The following SHPRH variants were observed in gnomAD, a reference collection of about 807,000 sequenced individuals.
The protein encoded by SHPRH is SNF2 histone linker PHD RING helicase, also known as E3 ubiquitin-protein ligase SHPRH.
SHPRH carries 106 observed loss-of-function variants against 202.5 expected under a neutral mutation model. The ratio of observed to expected loss-of-function variants is 0.52; its 90% CI spans 0.45 to 0.62. The LOEUF (loss-of-function observed/expected upper bound fraction) is 0.62. SHPRH is among the 20% of genes least tolerant of loss of function. SHPRH has a pLI of 0.00. For synonymous variants in SHPRH, 729 were observed against 686.0 expected (o/e 1.06, Z -0.98); for missense variants, 1,710 against 2,020.0 (o/e 0.85, Z 2.94).
Position 145,935,333 on chromosome 6 carries a change from T to C in SHPRH, c.2678A>G (p.Tyr893Cys). 1.9e-6 allele frequency: 3 copies of C among 1,614,056 alleles called. No individual in the cohort carries two copies. Among genetic ancestry groups the C allele is most frequent in the Non-Finnish European group, 2.5e-6 (3 of 1,179,996 alleles). ...CCACAGTATCTTGGCAATAAAGCTGTAGAGATGCTGAGGATTCTTCTTGCA... is the reference window on the plus strand; with the variant it reads ...CCACAGTATCTTGGCAATAAAGCTGCAGAGATGCTGAGGATTCTTCTTGCA... The part of the protein sequence containing the change: ...PYCKKNPQHL[Y>C]SFIAKILWRS... Residue 893 changes from tyrosine (Y) to cysteine (C), a missense_variant, in exon 12 of 30, where the codon TAC (tyrosine) becomes TGC (cysteine). Tyr to Cys is a radical substitution (Grantham distance 194). Around this residue, in one of 8 missense-constraint regions of SHPRH, gnomAD observed 277 missense variants for 363.0 expected, o/e 0.76. Coordinates refer to ENST00000275233, the MANE Select transcript of SHPRH (RefSeq NM_001042683.3).
intron 28 of SHPRH, among the ~76,000 whole-genome samples, chr6:145,890,069 C>G (rs184275406): frequency 1.1e-3 from 160 of 152,262 alleles, no homozygotes; most frequent in African/African-American, 3.5e-3. Context: ...CTTACTAATT[C>G]TCCCATTTGA....
intron 11 of SHPRH, among the ~76,000 whole-genome samples, chr6:145,940,317 T>C (rs949118550): frequency 1.3e-5 from 2 of 152,142 alleles, no homozygotes; most frequent in African/African-American, 4.8e-5. Context: ...TCCATTTTCA[T>C]AGACACAGTT....
intron 21 of SHPRH, among the ~76,000 whole-genome samples, chr6:145,920,040 T>A (rs1305192767): frequency 6.6e-6 from 1 of 152,126 alleles, no homozygotes; most frequent in South Asian, 2.1e-4. Context: ...ACTTATACTA[T>A]GTGAAACATA....
At chr6:145,927,160 A>G (rs1397798985) in intron 15 of SHPRH, 29 bp downstream of exon 15, 1 of 1,579,540 alleles carries the variant, frequency 6.3e-7, no homozygotes, top group Non-Finnish European at 8.7e-7. Context: ...CAAACAGAAT[A>G]CCTATGAAAC....
intron 2 of SHPRH, among the ~76,000 whole-genome samples, chr6:145,865,344 GT>G (rs1213465894): frequency 1.3e-5 from 2 of 152,176 alleles, no homozygotes; most frequent in African/African-American, 4.8e-5. Context: ...TCTTTCCCAT[GT>G]GAGGACATAG....
intron 14 of SHPRH, among the ~76,000 whole-genome samples, chr6:145,928,744 T>C (rs530179128): frequency 1.3e-5 from 2 of 152,030 alleles, no homozygotes; most frequent in Non-Finnish European, 2.9e-5. Context: ...ATAGCTCTTA[T>C]ACCATTGCTT....
chr6:145,880,050 GA>G (rs1490917442), downstream of SHPRH, among the ~76,000 whole-genome samples: 1 of 151,624 alleles, frequency 6.6e-6, no homozygotes, highest in Non-Finnish European at 1.5e-5. Flanking sequence ...AATATTGCAA[GA>G]CACAAGACTA....
rs1442132608 is a variant in SHPRH at position 145,921,342 on chromosome 6, CCTT to C, written c.3830_3832del (p.Glu1277del). ...GGTAGGTGCTCGATCATCCACCAGT[CCTT>C]CTTCATCTTCTATCATCTCCTCAAA... is the stretch of plus-strand genomic sequence containing the variant. On this transcript the variant is annotated inframe_deletion, in exon 21 of 30. Transcript: ENST00000275233. The C allele has an allele frequency of 2.5e-6, 4 of 1,612,652 alleles. No individual in the cohort carries two copies. The highest frequency in any genetic ancestry group is 1.7e-5 in the Admixed American group (1 of 59,800).
intron 4 of SHPRH, among the ~76,000 whole-genome samples, chr6:145,948,891 A>G (rs2128794505): frequency 6.6e-6 from 1 of 152,154 alleles, no homozygotes; most frequent in African/African-American, 2.4e-5. Context: ...AGAATCTTCC[A>G]CTAGCCTTCT....
chr6:145,919,534 T>C (rs747830290), intron 21 of SHPRH, 43 bp from the exon 22 acceptor site: 1 of 1,587,814 alleles, frequency 6.3e-7, no homozygotes, highest in Non-Finnish European at 8.6e-7. Flanking sequence ...AAGCATGTAA[T>C]TAAAACTGGT....
At chr6:145,918,518 AT>A in intron 22 of SHPRH, 1 of 187,506 alleles carries the variant, frequency 5.3e-6, no homozygotes, top group Non-Finnish European at 1.1e-5. Context: ...ATTATGTACC[AT>A]TTTTTTCAGT....
At chr6:145,916,012 C>G (rs1485053763) in intron 23 of SHPRH, among the ~76,000 whole-genome samples, 1 of 152,086 alleles carries the variant, frequency 6.6e-6, no homozygotes, top group Non-Finnish European at 1.5e-5. Context: ...AACTGTGTCT[C>G]AAATCTCTTT....
At chr6:145,933,620 AAATT>A (rs1300618342) in intron 13 of SHPRH, among the ~76,000 whole-genome samples, 2 of 152,248 alleles carry the variant, frequency 1.3e-5, no homozygotes, top group Admixed American at 6.5e-5. Flanking sequence ...ATTCATATAT[AAATT>A]GTTTTCGGAC....
chr6:145,954,735 T>C lies in SHPRH; in HGVS notation c.588A>G (p.Arg196=), dbSNP rs1231162937. 1.9e-6 allele frequency: 3 copies of C among 1,604,232 alleles called. No homozygotes were observed. Among genetic ancestry groups the C allele is most frequent in the Non-Finnish European group, 2.5e-6 (3 of 1,177,536 alleles). Residue 196 remains arginine (R), a synonymous_variant, in exon 2 of 30, where the codon AGA becomes AGG. Transcript: ENST00000275233. ...LEDLGWLQKK[R]RIKLYQKPEG... The stretch of plus-strand genomic sequence containing the variant: ...CTGGTTTCTGATAGAGTTTTATTCT[T>C]CTCTTCTTTTGTAGCCACCCCAAAT...
At chr6:145,901,624 A>C (rs144668938) in intron 25 of SHPRH, among the ~76,000 whole-genome samples, 85 of 152,270 alleles carry the variant, frequency 5.6e-4, no homozygotes, top group African/African-American at 1.9e-3. Flanking sequence ...AGCAGTAAAC[A>C]GATGCAAAGT....
chr6:145,921,412 A>G lies in SHPRH; in HGVS notation c.3783-20T>C, dbSNP rs763075745. On this transcript the variant is annotated intron_variant, in intron 20 of 29. Coordinates refer to ENST00000275233, the MANE Select transcript of SHPRH (RefSeq NM_001042683.3). The stretch of plus-strand genomic sequence containing the variant: ...TTGACTCTGAAAACATACCAGAACA[A>G]AACAACAGTAACTGGTATCAGTGAG... 3.7e-6 allele frequency: 6 copies of G among 1,605,246 alleles called. No individual in the cohort carries two copies. The highest frequency in any genetic ancestry group is 5.1e-6 in the Non-Finnish European group (6 of 1,173,342).
chr6:145,947,803 A>G, intron 5 of SHPRH, among the ~76,000 whole-genome samples, 160 bp from the exon 6 acceptor site: 1 of 152,076 alleles, frequency 6.6e-6, no homozygotes, highest in East Asian at 1.9e-4. Flanking sequence ...GATTACAAAC[A>G]TTAGAACTGT....
chr6:145,878,679 T>C (rs1007581037), intron 2 of SHPRH, among the ~76,000 whole-genome samples: 3 of 152,242 alleles, frequency 2.0e-5, no homozygotes, highest in African/African-American at 7.2e-5. Flanking sequence ...GGAAAACCCA[T>C]GACTTTTGTC....
At chr6:145,897,426 C>G (rs185971799) in intron 25 of SHPRH, among the ~76,000 whole-genome samples, 195 of 152,110 alleles carry the variant, frequency 1.3e-3, no homozygotes, top group Admixed American at 5.2e-3. Flanking sequence ...AGCATAGGAA[C>G]TAGTGGTTTC....
Sources: gnomAD v4.1 joint callset for allele counts (sites outside exome capture counted in the v4.1 genomes callset) on GRCh38, gnomAD v4.1.1 for gene constraint, gnomAD v4.1.1 regional missense constraint, MANE v1.5 for transcripts, NCBI Gene and HGNC (gene_info 2026-07-23, HGNC 2026-07-21) for gene names.